Variants in SMOC1 observed in about 807,000 individuals in gnomAD.
SMOC1 encodes the protein SPARC-related modular calcium-binding protein 1.
A neutral mutation model predicts 56.3 loss-of-function variants in SMOC1; 22 were observed. The ratio of observed to expected loss-of-function variants is 0.39; its 90% CI spans 0.28 to 0.56. SMOC1 has a LOEUF of 0.56. SMOC1 is among the 20% of genes least tolerant of loss of function. The probability of loss-of-function intolerance (pLI) is 0.61; values close to 1 mark genes in which losing one functional copy is unlikely to be tolerated. For synonymous variants in SMOC1, 193 were observed against 215.0 expected, an observed-to-expected ratio of 0.90 and a Z score of 0.89; for missense variants, 509 against 565.4, an observed-to-expected ratio of 0.90 and a Z score of 1.01.
chr14:69,973,192 C>G (rs2139495034), intron 3 of SMOC1, among the ~76,000 whole-genome samples: 1 of 152,320 alleles, frequency 6.6e-6, no homozygotes, highest in East Asian at 1.9e-4. Flanking sequence ...CAGCATTTCC[C>G]ACCCAAGTCT....
At chr14:69,961,272 G>GTGTGTATATATA (rs1447169812) in intron 3 of SMOC1, among the ~76,000 whole-genome samples, 3 of 74,968 alleles carry the variant, frequency 4.0e-5, no homozygotes, top group African/African-American at 1.8e-4. Context: ...ATTCTATTGT[G>GTGTGTATATATA]TATATATATA....
At chr14:69,939,411 C>T (rs956217461) in intron 1 of SMOC1, among the ~76,000 whole-genome samples, 9 of 152,216 alleles carry the variant, frequency 5.9e-5, no homozygotes, top group African/African-American at 9.7e-5. Context: ...TACTTCCCAT[C>T]GGGTCCCTCC....
At chr14:69,929,726 A>G (rs1885110130) in intron 1 of SMOC1, among the ~76,000 whole-genome samples, 3 of 152,190 alleles carry the variant, frequency 2.0e-5, no homozygotes, top group Admixed American at 2.0e-4. Context: ...GGGGAAAAGT[A>G]CAACTCAATA....
At chr14:69,960,507 A>C (rs1883332205) in intron 3 of SMOC1, among the ~76,000 whole-genome samples, 1 of 152,134 alleles carries the variant, frequency 6.6e-6, no homozygotes, top group African/African-American at 2.4e-5. Context: ...TACTGCCAAA[A>C]ATTCAAGCCC....
At chr14:69,978,313 G>A (rs1884045390) in intron 5 of SMOC1, among the ~76,000 whole-genome samples, 1 of 152,164 alleles carries the variant, frequency 6.6e-6, no homozygotes, top group African/African-American at 2.4e-5. Flanking sequence ...GGAAGGTAGG[G>A]TGCCCAAGTC....
chr14:69,941,599 G>A (rs1216465360), intron 1 of SMOC1, among the ~76,000 whole-genome samples: 1 of 152,096 alleles, frequency 6.6e-6, no homozygotes, highest in Non-Finnish European at 1.5e-5. Flanking sequence ...CCAAAGCTCG[G>A]ATCTGAGTTT....
intron 4 of SMOC1, among the ~76,000 whole-genome samples, chr14:69,976,473 A>T (rs1042515705): frequency 1.3e-5 from 2 of 152,234 alleles, no homozygotes; most frequent in Non-Finnish European, 2.9e-5. Context: ...ATGATTAGAC[A>T]AGTTAGCAAA....
At chr14:69,889,029 A>G (rs1289067154) in intron 1 of SMOC1, among the ~76,000 whole-genome samples, 1 of 152,226 alleles carries the variant, frequency 6.6e-6, no homozygotes, top group Non-Finnish European at 1.5e-5. Context: ...GCACTGTCCA[A>G]TATTAGCCAC....
chr14:69,895,802 A>T (rs1884079766), intron 1 of SMOC1, among the ~76,000 whole-genome samples: 1 of 151,004 alleles, frequency 6.6e-6, no homozygotes, highest in Non-Finnish European at 1.5e-5. Context: ...CTGGGCTCAC[A>T]GCCTTGGTCC....
At chr14:69,942,249 T>C (rs1409144580) in intron 1 of SMOC1, among the ~76,000 whole-genome samples, 1 of 152,054 alleles carries the variant, frequency 6.6e-6, no homozygotes, top group Non-Finnish European at 1.5e-5. Context: ...TTCTTGTTTA[T>C]TTTCATAATC....
chr14:69,955,722 C>G (rs1291386938), intron 3 of SMOC1, among the ~76,000 whole-genome samples: 1 of 152,102 alleles, frequency 6.6e-6, no homozygotes, highest in African/African-American at 2.4e-5. Flanking sequence ...TGTTGAAAAT[C>G]CCCAAGTTGG....
intron 1 of SMOC1, among the ~76,000 whole-genome samples, chr14:69,908,778 C>T (rs1178492959): frequency 6.6e-6 from 1 of 152,200 alleles, no homozygotes; most frequent in African/African-American, 2.4e-5. Flanking sequence ...TCCTTAGGTA[C>T]AATTAGGACT....
chr14:69,952,121 A>G lies in SMOC1; in HGVS notation c.100-17A>G. 6.2e-7 allele frequency: 1 copy of G among 1,613,858 alleles called. No homozygotes were observed. The highest frequency in any genetic ancestry group is 1.1e-5 in the South Asian group (1 of 91,066). The stretch of plus-strand genomic sequence containing the variant: ...GCAAAAGTAACCTCTGTACCCTTTC[A>G]CTTTTTTCCAACCTAGTTTCTAATA... On this transcript the variant is annotated splice_polypyrimidine_tract_variant and intron_variant, in intron 1 of 11. Transcript: ENST00000361956.
chr14:69,966,842 A>G (rs919578250), intron 3 of SMOC1, among the ~76,000 whole-genome samples: 3 of 152,230 alleles, frequency 2.0e-5, no homozygotes, highest in Non-Finnish European at 4.4e-5. Context: ...GCACCATTAT[A>G]TCCTTGTGAA....
At chr14:69,884,068 G>A (rs983167010) in intron 1 of SMOC1, among the ~76,000 whole-genome samples, 53 of 151,044 alleles carry the variant, frequency 3.5e-4, no homozygotes, top group African/African-American at 1.1e-3. Flanking sequence ...CACCGCGCCC[G>A]GCTAATTTTT....
chr14:70,021,858 T>A (rs77484541), intron 10 of SMOC1, among the ~76,000 whole-genome samples: 3,379 of 152,016 alleles, frequency 0.022, 58 homozygotes, highest in Middle Eastern at 0.085. Context: ...CCCAGAGAAG[T>A]CAGGGTGGCA....
At chr14:69,971,118 A>C (rs1445511861) in intron 3 of SMOC1, among the ~76,000 whole-genome samples, 1 of 152,174 alleles carries the variant, frequency 6.6e-6, no homozygotes, top group Admixed American at 6.5e-5. Context: ...TCGTGGCTTC[A>C]AGCAATTATC....
chr14:70,001,109 G>A (rs1884952815), intron 7 of SMOC1, among the ~76,000 whole-genome samples: 1 of 152,156 alleles, frequency 6.6e-6, no homozygotes, highest in African/African-American at 2.4e-5. Flanking sequence ...ACTGGGACTT[G>A]GGAAGCTAAG....
At chr14:69,944,872 C>T (rs1882723200) in intron 1 of SMOC1, among the ~76,000 whole-genome samples, 1 of 152,008 alleles carries the variant, frequency 6.6e-6, no homozygotes, top group Non-Finnish European at 1.5e-5. Context: ...ACTGGTATAT[C>T]CTCTTAGAGA....
Sources: gnomAD v4.1 joint callset for allele counts (sites outside exome capture counted in the v4.1 genomes callset) on GRCh38, gnomAD v4.1.1 for gene constraint, MANE v1.5 for transcripts, NCBI Gene and HGNC (gene_info 2026-07-23, HGNC 2026-07-21) for gene names.